Variants in KCNN2 observed in about 807,000 individuals in gnomAD.
KCNN2 encodes the protein potassium calcium-activated channel subfamily N member 2, also known as small conductance calcium-activated potassium channel protein 2.
A neutral mutation model predicts 55.5 loss-of-function variants in KCNN2; 24 were observed. The observed-to-expected ratio is 0.43, with a 90% CI of 0.31 to 0.61. The LOEUF (loss-of-function observed/expected upper bound fraction) is 0.61, where lower values mean the gene tolerates loss of function less well. KCNN2 is among the 20% of genes least tolerant of loss of function. The pLI is 0.08. For missense variants in KCNN2, 754 were observed against 853.6 expected (o/e 0.88, Z 1.45); for synonymous variants, 431 against 336.1 (o/e 1.28, Z -3.09).
At chr5:114,358,008 G>A (rs1360691866), upstream of KCNN2, among the ~76,000 whole-genome samples, 2 of 150,782 alleles carry the variant, frequency 1.3e-5, no homozygotes, top group East Asian at 2.0e-4. Context: ...GGTGTGAGAT[G>A]GTATCTCATT....
intron 3 of KCNN2, among the ~76,000 whole-genome samples, chr5:114,432,558 C>G (rs760286035): frequency 3.0e-4 from 46 of 152,238 alleles, no homozygotes; most frequent in Non-Finnish European, 5.9e-4. Flanking sequence ...GGCGCCTCCT[C>G]TGCCTGGGCT....
intron 2 of KCNN2, among the ~76,000 whole-genome samples, chr5:114,247,034 G>T (rs1396988842): frequency 6.6e-6 from 1 of 151,036 alleles, no homozygotes; most frequent in Non-Finnish European, 1.5e-5. Flanking sequence ...CTGGGGCCGG[G>T]CACTCACGCC....
intron 2 of KCNN2, among the ~76,000 whole-genome samples, chr5:114,259,729 C>G (rs1755064048): frequency 6.6e-6 from 1 of 152,142 alleles, no homozygotes. Flanking sequence ...AACACTCCCA[C>G]TCACCCTTCC....
intron 2 of KCNN2, among the ~76,000 whole-genome samples, chr5:114,264,107 G>C (rs1442760752): frequency 6.6e-6 from 1 of 152,184 alleles, no homozygotes; most frequent in Non-Finnish European, 1.5e-5. Flanking sequence ...TCTAGCTAAA[G>C]ATGGCTTAAT....
At chr5:114,439,885 A>G (rs1027519716) in intron 3 of KCNN2, among the ~76,000 whole-genome samples, 2 of 152,158 alleles carry the variant, frequency 1.3e-5, no homozygotes, top group Admixed American at 1.3e-4. Context: ...CCAAAGGCCT[A>G]CTCACATATG....
At chr5:114,273,759 G>C (rs1225854689) in intron 2 of KCNN2, among the ~76,000 whole-genome samples, 1 of 152,182 alleles carries the variant, frequency 6.6e-6, no homozygotes, top group African/African-American at 2.4e-5. Context: ...TCCTTTGTCA[G>C]ATGGATAGAT....
chr5:114,137,560 T>C (rs1413228805), intron 1 of KCNN2, among the ~76,000 whole-genome samples: 1 of 143,352 alleles, frequency 7.0e-6, no homozygotes, highest in Non-Finnish European at 1.5e-5. Flanking sequence ...GTACTTCGCA[T>C]AGCATTATGA....
chr5:114,091,114 A>G (rs1751134784), intron 1 of KCNN2, among the ~76,000 whole-genome samples: 2 of 152,172 alleles, frequency 1.3e-5, no homozygotes, highest in African/African-American at 4.8e-5. Context: ...TGCTGGGATT[A>G]CAGGTGTGAA....
In KCNN2 at chr5:114,432,767, G is replaced by A. The variant is rs573690962; in HGVS notation, c.1637+27911G>A. Reference sequence around the variant, plus strand: ...GGTGGGCGTGGGCTTGGCAGGCCGCGCACGCCGAGCAGCCGGCCAGCCCTG... The same window carrying A: ...GGTGGGCGTGGGCTTGGCAGGCCGCACACGCCGAGCAGCCGGCCAGCCCTG... On this transcript the variant is annotated intron_variant, in intron 3 of 7. Transcript: ENST00000673685. 2.6e-3 allele frequency among the ~76,000 whole-genome samples: 403 copies of A among 152,328 alleles called. 3 individuals are homozygous for A. The highest frequency in any genetic ancestry group is 9.4e-3 in the African/African-American group (391 of 41,588).
At chr5:114,442,285 T>TATAG (rs1554055002) in intron 3 of KCNN2, among the ~76,000 whole-genome samples, 1 of 150,814 alleles carries the variant, frequency 6.6e-6, no homozygotes, top group Non-Finnish European at 1.5e-5. Context: ...ACTGTATATA[T>TATAG]AGAGAGAGAG....
chr5:114,299,331 C>T (rs1038226604), intron 2 of KCNN2, among the ~76,000 whole-genome samples: 1 of 152,142 alleles, frequency 6.6e-6, no homozygotes, highest in Non-Finnish European at 1.5e-5. Flanking sequence ...GAATGCCATA[C>T]ACTAATGGCT....
At chr5:114,240,151 T>A (rs2112613804) in intron 2 of KCNN2, among the ~76,000 whole-genome samples, 1 of 152,196 alleles carries the variant, frequency 6.6e-6, no homozygotes, top group East Asian at 1.9e-4. Flanking sequence ...TGTTTTAAAA[T>A]GATAGTAACT....
At chr5:114,219,705 G>A (rs1394328034) in intron 1 of KCNN2, among the ~76,000 whole-genome samples, 1 of 152,030 alleles carries the variant, frequency 6.6e-6, no homozygotes, top group Non-Finnish European at 1.5e-5. Flanking sequence ...TTCGGGCTGT[G>A]GTTGCAGGTT....
chr5:114,322,808 T>C (rs549649564), intron 2 of KCNN2, among the ~76,000 whole-genome samples: 1 of 152,346 alleles, frequency 6.6e-6, no homozygotes, highest in Admixed American at 6.5e-5. Flanking sequence ...AAAATGCTTC[T>C]TTTTTAACTT....
At chr5:114,186,095 TC>T (rs1228065433) in intron 1 of KCNN2, among the ~76,000 whole-genome samples, 1 of 152,232 alleles carries the variant, frequency 6.6e-6, no homozygotes, top group East Asian at 1.9e-4. Context: ...TAAGTTTCTT[TC>T]CTCTTTCCTT....
intron 2 of KCNN2, among the ~76,000 whole-genome samples, chr5:114,305,347 G>A (rs560387582): frequency 1.3e-5 from 2 of 152,330 alleles, no homozygotes; most frequent in Admixed American, 1.3e-4. Context: ...GCAGGCCAAG[G>A]CAGGCTGGTG....
intron 1 of KCNN2, among the ~76,000 whole-genome samples, chr5:114,185,258 C>T (rs1044441673): frequency 2.0e-5 from 3 of 152,192 alleles, no homozygotes; most frequent in South Asian, 2.1e-4. Flanking sequence ...TTTACCTTTC[C>T]TGTATTTCCT....
intron 1 of KCNN2, among the ~76,000 whole-genome samples, chr5:114,066,434 G>C (rs1184072492): frequency 6.6e-6 from 1 of 152,220 alleles, no homozygotes; most frequent in Non-Finnish European, 1.5e-5. Context: ...GGAGGAATCT[G>C]AGAGCAATTC....
chr5:114,099,786 A>G (rs1002081409), intron 1 of KCNN2, among the ~76,000 whole-genome samples: 3 of 152,198 alleles, frequency 2.0e-5, no homozygotes, highest in African/African-American at 4.8e-5. Flanking sequence ...AAGACTGTCT[A>G]TATAATGACC....
Sources: gnomAD v4.1 joint callset for allele counts (sites outside exome capture counted in the v4.1 genomes callset) on GRCh38, gnomAD v4.1.1 for gene constraint, MANE v1.5 for transcripts, NCBI Gene and HGNC (gene_info 2026-07-23, HGNC 2026-07-21) for gene names.